The following CREBBP variants were observed in gnomAD, a reference collection of about 807,000 sequenced individuals.
CREBBP encodes CREB-binding protein.
Under a neutral mutation model 265.0 loss-of-function variants are expected in CREBBP, and 19 were observed. The observed-to-expected ratio is 0.07, with a 90% CI of 0.05 to 0.11. The LOEUF (loss-of-function observed/expected upper bound fraction) is 0.11, where lower values mean the gene tolerates loss of function less well. Ranked by LOEUF, CREBBP falls within the 10% of genes least tolerant of loss-of-function variation. The probability of loss-of-function intolerance (pLI) is 1.00; values close to 1 mark genes in which losing one functional copy is unlikely to be tolerated. For missense variants in CREBBP, 2,525 were observed against 3,219.0 expected (o/e 0.78, Z 5.22); for synonymous variants, 1,457 against 1,223.7 (o/e 1.19, Z -3.98).
intron 2 of CREBBP, among the ~76,000 whole-genome samples, chr16:3,814,815 T>C (rs568791041): frequency 6.6e-6 from 1 of 152,310 alleles, no homozygotes; most frequent in Non-Finnish European, 1.5e-5. Context: ...CTTTAGCCTA[T>C]GATAAAAACA....
intron 3 of CREBBP, among the ~76,000 whole-genome samples, chr16:3,802,828 T>C (rs1045087485): frequency 2.6e-5 from 4 of 152,076 alleles, no homozygotes; most frequent in African/African-American, 7.3e-5. Flanking sequence ...CCTATGCTCC[T>C]CGGATACTCC....
chr16:3,802,952 G>T (rs2141319128), intron 3 of CREBBP, among the ~76,000 whole-genome samples: 1 of 152,070 alleles, frequency 6.6e-6, no homozygotes. Context: ...ACTTGCTCAG[G>T]TTCCCTCATA....
intron 16 of CREBBP, among the ~76,000 whole-genome samples, chr16:3,766,188 C>G (rs1162904541): frequency 1.3e-5 from 2 of 152,116 alleles, no homozygotes; most frequent in African/African-American, 4.8e-5. Context: ...ATTCTAATGT[C>G]ACAGACTATG....
intron 26 of CREBBP, among the ~76,000 whole-genome samples, chr16:3,737,475 G>C (rs572590402): frequency 6.2e-4 from 93 of 150,720 alleles, no homozygotes; most frequent in Non-Finnish European, 1.2e-3. Context: ...TTTTGCGGGC[G>C]GGGGGCAGAG....
rs144736855 is a variant in CREBBP, at chr16:3,775,192, G to A, written c.2159-499C>T. ...CCGAGGATTCCCAGCTCCTTGCTGG[G>A]TTTACATTCATTGTTAGAATCTGTG... On this transcript the variant is annotated intron_variant, in intron 11 of 30. Transcript: ENST00000262367. Among the ~76,000 whole-genome samples the A allele has an allele frequency of 7.6e-3, 1,154 of 152,304 alleles. 13 individuals are homozygous for A. Among genetic ancestry groups the A allele is most frequent in the Middle Eastern group, 0.02 (6 of 294 alleles).
chr16:3,729,174 G>C lies in CREBBP; in HGVS notation c.5873C>G (p.Ala1958Gly), dbSNP rs986406817. Residue 1958 changes from alanine (A) to glycine (G), a missense_variant, in exon 31 of 31, where the codon GCG becomes GGG. This residue lies in a region of CREBBP where 275 missense variants were observed against 276.5 expected (regional missense o/e 0.99). Coordinates refer to ENST00000262367, the MANE Select transcript of CREBBP (RefSeq NM_004380.3). ...GGCCTCACGCTCGATCTGCCGAGCCGCTTCCACCGCTGCAGGAGGGGGCTG... is the reference window on the plus strand; with the variant it reads ...GGCCTCACGCTCGATCTGCCGAGCCCCTTCCACCGCTGCAGGAGGGGGCTG... ...PAQPPPAAVE[A>G]ARQIEREAQQ... The C allele has an allele frequency of 6.7e-7, 1 of 1,489,174 alleles. No individual in the cohort carries two copies. The highest frequency in any genetic ancestry group is 8.9e-7 in the Non-Finnish European group (1 of 1,117,548). 92.2% of individuals were successfully genotyped at this position (1,489,174 alleles called of 1,614,324 possible). A position where few individuals can be genotyped will look rare whatever the true frequency, so the allele number is the denominator to read the frequency against.
intron 2 of CREBBP, among the ~76,000 whole-genome samples, chr16:3,836,097 A>G (rs1297085270): frequency 9.2e-5 from 14 of 152,102 alleles, no homozygotes; most frequent in Admixed American, 9.2e-4. Context: ...ACACTACATG[A>G]TTCCATTACG....
intron 2 of CREBBP, among the ~76,000 whole-genome samples, chr16:3,833,663 G>A (rs1274085772): frequency 2.0e-5 from 3 of 152,174 alleles, no homozygotes; most frequent in Admixed American, 1.3e-4. Context: ...AAATAATGGT[G>A]TAAAACCTAG....
chr16:3,735,477 T>TA (rs1376777918), intron 28 of CREBBP, among the ~76,000 whole-genome samples: 4 of 152,138 alleles, frequency 2.6e-5, no homozygotes, highest in African/African-American at 9.7e-5. Flanking sequence ...TTTGTATTTT[T>TA]AGTAGAGATG....
chr16:3,747,825 C>A (rs1378719032), intron 21 of CREBBP, among the ~76,000 whole-genome samples: 1 of 152,070 alleles, frequency 6.6e-6, no homozygotes, highest in African/African-American at 2.4e-5. Flanking sequence ...TGCGGTGGCT[C>A]ACACCTGTAA....
At chr16:3,774,044 G>T in intron 12 of CREBBP, 114 bp from the exon 13 acceptor site, 3 of 1,150,774 alleles carry the variant, frequency 2.6e-6, no homozygotes, top group Admixed American at 3.5e-5. Flanking sequence ...CAAGCACAGG[G>T]CTCACATCCT....
At chr16:3,869,104 C>T (rs1395621476) in intron 1 of CREBBP, among the ~76,000 whole-genome samples, 1 of 152,194 alleles carries the variant, frequency 6.6e-6, no homozygotes, top group Non-Finnish European at 1.5e-5. Flanking sequence ...ACAGTACTAT[C>T]TGCCATCTCC....
At chr16:3,848,306 C>T (rs2054711988) in intron 2 of CREBBP, among the ~76,000 whole-genome samples, 1 of 152,148 alleles carries the variant, frequency 6.6e-6, no homozygotes, top group Non-Finnish European at 1.5e-5. Context: ...CAAAGTCTAA[C>T]TTCTACATAC....
intron 5 of CREBBP, chr16:3,784,440 G>A (rs1189046420): frequency 6.6e-6 from 1 of 152,136 alleles, no homozygotes; most frequent in Non-Finnish European, 1.5e-5. Context: ...AGTAAGTCAC[G>A]CACAATACCT....
intron 2 of CREBBP, among the ~76,000 whole-genome samples, chr16:3,829,151 G>A (rs1248907073): frequency 6.6e-6 from 1 of 151,978 alleles, no homozygotes; most frequent in Non-Finnish European, 1.5e-5. Flanking sequence ...ATGGTAATTT[G>A]TATAAATATA....
At chr16:3,816,686 C>T (rs2096209703) in intron 2 of CREBBP, among the ~76,000 whole-genome samples, 1 of 152,168 alleles carries the variant, frequency 6.6e-6, no homozygotes, top group Non-Finnish European at 1.5e-5. Context: ...AAGTACCACA[C>T]GGCTCTAGAG....
At chr16:3,769,022 C>A (rs2052932173) in intron 15 of CREBBP, 152 bp downstream of exon 15, 3 of 804,510 alleles carry the variant, frequency 3.7e-6, no homozygotes, top group Non-Finnish European at 4.1e-6. Flanking sequence ...TGTTTTCAAT[C>A]AATTTCCTAT....
chr16:3,880,233 G>C lies in CREBBP; in HGVS notation c.-317C>G, dbSNP rs1259334342. On this transcript the variant is annotated 5_prime_UTR_variant, in exon 1 of 31. Coordinates refer to ENST00000262367, the MANE Select transcript of CREBBP (RefSeq NM_004380.3). ...GTGGGGGCGCCCCGGCGGCCCGGCC[G>C]CCCCCCCGGGCCCGGCTGGCAGCGA... 4.4e-5 allele frequency: 6 copies of C among 136,872 alleles called. No homozygotes were observed. The highest frequency in any genetic ancestry group is 1.3e-4 in the African/African-American group (5 of 37,610). 8.5% of individuals were successfully genotyped at this position (136,872 alleles called of 1,614,324 possible). A position where few individuals can be genotyped will look rare whatever the true frequency, so the allele number is the denominator to read the frequency against.
In CREBBP at chr16:3,766,752, C is replaced by G. The variant is rs369744163; in HGVS notation, c.3250+968G>C. 5.9e-5 allele frequency among the ~76,000 whole-genome samples: 9 copies of G among 152,230 alleles called. No homozygotes were observed. In the South Asian group the frequency reaches 1.2e-3, roughly 21 times the overall value. On this transcript the variant is annotated intron_variant, in intron 16 of 30. Coordinates refer to ENST00000262367, the MANE Select transcript of CREBBP (RefSeq NM_004380.3). ...ATGTTGCTCAGGCTGGTTTTGAACT[C>G]CCAGCATCAAGCAAGCCTCCCATCT...
Sources: gnomAD v4.1 joint callset for allele counts (sites outside exome capture counted in the v4.1 genomes callset) on GRCh38, gnomAD v4.1.1 for gene constraint, gnomAD v4.1.1 regional missense constraint, MANE v1.5 for transcripts, NCBI Gene and HGNC (gene_info 2026-07-23, HGNC 2026-07-21) for gene names.